The following GAS2 variants were observed in gnomAD, a reference collection of about 807,000 sequenced individuals.
GAS2 encodes growth arrest specific 2.
Under a neutral mutation model 37.5 loss-of-function variants are expected in GAS2, and 20 were observed. The ratio of observed to expected loss-of-function variants is 0.53; its 90% CI spans 0.37 to 0.77. The LOEUF (loss-of-function observed/expected upper bound fraction) is 0.77, where lower values mean the gene tolerates loss of function less well. Among genes scored for constraint, GAS2 ranks in the 30% least tolerant of loss-of-function variants. GAS2 has a pLI of 0.00. For synonymous variants in GAS2, 144 were observed against 132.2 expected, an observed-to-expected ratio of 1.09 and a Z score of -0.61; for missense variants, 336 against 373.4, an observed-to-expected ratio of 0.90 and a Z score of 0.82.
intron 1 of GAS2, among the ~76,000 whole-genome samples, chr11:22,634,543 A>G (rs554544011): frequency 6.6e-6 from 1 of 152,176 alleles, no homozygotes; most frequent in African/African-American, 2.4e-5. Flanking sequence ...CAAGGCCTGC[A>G]GTCTGGATTC....
chr11:22,811,746 G>GT (rs1857180821), intron 7 of GAS2, 52 bp from the exon 8 acceptor site: 1 of 1,527,596 alleles, frequency 6.5e-7, no homozygotes, highest in Admixed American at 1.7e-5. Context: ...GTTGATTCAA[G>GT]GTACTGTAAG....
chr11:22,636,092 G>T (rs1367355107), intron 1 of GAS2, among the ~76,000 whole-genome samples: 2 of 152,088 alleles, frequency 1.3e-5, no homozygotes, highest in Non-Finnish European at 2.9e-5. Context: ...CTTTCAAAGG[G>T]TCTATGTTTT....
intron 7 of GAS2, among the ~76,000 whole-genome samples, chr11:22,765,378 C>T (rs771509822): frequency 1.3e-4 from 20 of 152,150 alleles, no homozygotes; most frequent in Admixed American, 8.5e-4. Flanking sequence ...TTTTCTACAA[C>T]TGAAATTGAA....
chr11:22,697,657 C>T (rs1850602446), intron 3 of GAS2, among the ~76,000 whole-genome samples: 1 of 152,162 alleles, frequency 6.6e-6, no homozygotes. Context: ...AGAGGTCCTT[C>T]ACGTCCCTTG....
In GAS2 at chr11:22,800,543, T is replaced by A. The variant is rs558873899; in HGVS notation, c.724-11255T>A. Among the ~76,000 whole-genome samples the A allele has an allele frequency of 2.5e-3, 377 of 152,130 alleles. 4 individuals are homozygous for A. The highest frequency in any genetic ancestry group is 4.4e-3 in the Non-Finnish European group (299 of 67,976). ...GTGAAGAGTGAGAGATGAGGAGACATCCTGCTGAAAAGCGTTCATGTCCTC... is the reference window on the plus strand; with the variant it reads ...GTGAAGAGTGAGAGATGAGGAGACAACCTGCTGAAAAGCGTTCATGTCCTC... On this transcript the variant is annotated intron_variant, in intron 7 of 7. Transcript: ENST00000454584.
At position 22,717,774 on chromosome 11, in the gene GAS2, A is replaced by AG. The variant is rs1162678720; in HGVS notation, c.268-8517dup. Among the ~76,000 whole-genome samples, 3 of 25,702 alleles carry AG rather than the reference A, an allele frequency of 1.2e-4. No homozygotes were observed. In the Non-Finnish European group the frequency reaches 2.7e-3, roughly 23 times the overall value. The allele number at this position is 25,702 out of a possible 152,430, so 16.9% of individuals were successfully genotyped here. On this transcript the variant is annotated intron_variant, in intron 3 of 7. Transcript: ENST00000454584. ...TACAAGGAACTCAAACAAATCAGCA[A>AG]GAAAAAAAAAGAATATCCCATCAAA...
chr11:22,696,673 T>A (rs1850535893), intron 3 of GAS2, among the ~76,000 whole-genome samples: 1 of 150,974 alleles, frequency 6.6e-6, no homozygotes, highest in Non-Finnish European at 1.5e-5. Context: ...TGGTTTTGAT[T>A]TGCATTTCTC....
At chr11:22,689,041 A>G (rs571356626) in intron 3 of GAS2, among the ~76,000 whole-genome samples, 2 of 152,306 alleles carry the variant, frequency 1.3e-5, no homozygotes, top group South Asian at 4.1e-4. Flanking sequence ...CAGGAACAGA[A>G]CCAAATGGTC....
chr11:22,723,616 C>A (rs921599769), intron 3 of GAS2, among the ~76,000 whole-genome samples: 4 of 151,894 alleles, frequency 2.6e-5, no homozygotes, highest in African/African-American at 9.7e-5. Context: ...TTTAGCAAGG[C>A]TGTAGCTATG....
rs758978409 is a variant in GAS2, at chr11:22,674,044, A to G, written c.-20-806A>G. On this transcript the variant is annotated intron_variant, in intron 1 of 7. Coordinates refer to ENST00000454584, the MANE Select transcript of GAS2 (RefSeq NM_001143830.3). ...TCTGGCAGCATTTGTTAGAACTATG[A>G]TGCAGTGCTTGGGTTATCATCAATA... Among the ~76,000 whole-genome samples, 12 of 152,298 alleles carry G rather than the reference A, an allele frequency of 7.9e-5. No individual in the cohort carries two copies. The South Asian group carries it at 1.5e-3, about 18-fold the overall frequency.
At position 22,812,764 on chromosome 11, in the gene GAS2, T is replaced by A. The variant is rs1246293894; in HGVS notation, c.*748T>A. 1 of 152,586 alleles carries A rather than the reference T, an allele frequency of 6.6e-6. No individual in the cohort carries two copies. Among genetic ancestry groups the A allele is most frequent in the East Asian group, 1.9e-4 (1 of 5,202 alleles). 9.5% of individuals were successfully genotyped at this position (152,586 alleles called of 1,614,324 possible). On this transcript the variant is annotated 3_prime_UTR_variant, in exon 8 of 8. Transcript: ENST00000454584. ...TACGTTGATACTTTGACGAGTAAAT[T>A]GTACAGTCAAATGTTCATTGATTTC...
chr11:22,784,394 C>G (rs981621856), intron 7 of GAS2, among the ~76,000 whole-genome samples: 1 of 152,150 alleles, frequency 6.6e-6, no homozygotes, highest in Non-Finnish European at 1.5e-5. Context: ...GTTCAAGGTA[C>G]TTTCTAGGTC....
chr11:22,649,362 A>G (rs1467855161), intron 1 of GAS2, among the ~76,000 whole-genome samples: 1 of 151,866 alleles, frequency 6.6e-6, no homozygotes, highest in Non-Finnish European at 1.5e-5. Flanking sequence ...CATCAAGGAT[A>G]TTGGTCTAAA....
chr11:22,810,068 C>T (rs1857076507), intron 7 of GAS2, among the ~76,000 whole-genome samples: 1 of 152,136 alleles, frequency 6.6e-6, no homozygotes, highest in Non-Finnish European at 1.5e-5. Context: ...GCATAGAACG[C>T]CAGTCACTGA....
intron 7 of GAS2, among the ~76,000 whole-genome samples, chr11:22,758,913 C>CAAAAAAAAAAAAAAAAAAAA (rs66871964): frequency 1.4e-5 from 1 of 73,306 alleles, no homozygotes; most frequent in Non-Finnish European, 2.7e-5. Flanking sequence ...AACTCCGTCT[C>CAAAAAAAAAAAAAAAAAAAA]AAAAAAAAAA....
At chr11:22,712,748 T>C (rs770144040) in intron 3 of GAS2, among the ~76,000 whole-genome samples, 4 of 152,076 alleles carry the variant, frequency 2.6e-5, no homozygotes, top group Non-Finnish European at 2.9e-5. Context: ...ATTAAGCTTC[T>C]CAAGGTGGCA....
At chr11:22,654,430 C>G (rs539030733) in intron 1 of GAS2, among the ~76,000 whole-genome samples, 60 of 150,404 alleles carry the variant, frequency 4.0e-4, no homozygotes, top group African/African-American at 1.4e-3. Flanking sequence ...TTGTTTTGCT[C>G]CATCACCTAG....
chr11:22,746,667 A>C (rs1198160621), intron 5 of GAS2, among the ~76,000 whole-genome samples: 1 of 152,122 alleles, frequency 6.6e-6, no homozygotes, highest in African/African-American at 2.4e-5. Flanking sequence ...TCATGGACAT[A>C]AAGATGGGAA....
At chr11:22,715,479 AAAAAG>A (rs1554973677) in intron 3 of GAS2, among the ~76,000 whole-genome samples, 3 of 145,888 alleles carry the variant, frequency 2.1e-5, no homozygotes, top group East Asian at 2.1e-4. Flanking sequence ...AAAAAAAAAA[AAAAAG>A]AAAAGAAAAG....
Sources: gnomAD v4.1 joint callset for allele counts (sites outside exome capture counted in the v4.1 genomes callset) on GRCh38, gnomAD v4.1.1 for gene constraint, MANE v1.5 for transcripts, NCBI Gene and HGNC (gene_info 2026-07-23, HGNC 2026-07-21) for gene names.